Variants in WNT3A observed in about 807,000 individuals in gnomAD.
The protein encoded by WNT3A is Wnt family member 3A, also known as protein Wnt-3a.
Under a neutral mutation model 37.0 loss-of-function variants are expected in WNT3A, and 17 were observed. The observed-to-expected ratio is 0.46, with a 90% CI of 0.31 to 0.69. WNT3A has a LOEUF of 0.69. WNT3A is among the 30% of genes least tolerant of loss of function. The pLI, the probability that WNT3A is intolerant of heterozygous loss-of-function variation, is 0.05. For missense variants in WNT3A, 411 were observed against 510.2 expected (o/e 0.81, Z 1.87); for synonymous variants, 187 against 211.0 (o/e 0.89, Z 0.99).
Position 228,037,432 on chromosome 1 carries a change from C to T in WNT3A, c.314-13224C>T, listed in dbSNP as rs917313100. On this transcript the variant is annotated intron_variant, in intron 2 of 3. Coordinates refer to ENST00000284523, the MANE Select transcript of WNT3A (RefSeq NM_033131.4). This position sits in a 1 kb window ranked among gnomAD's most constrained non-coding sequence, Gnocchi z 4.1. ...TCCCCCTTCATCTCTCCAACGTCTT[C>T]CCCAGGCAGGAGACAGCCCAGCCTC... Among the ~76,000 whole-genome samples, 4 of 152,108 alleles carry T rather than the reference C, an allele frequency of 2.6e-5. No individual in the cohort carries two copies. The South Asian group carries it at 8.3e-4, about 32-fold the overall frequency.
Position 228,037,218 on chromosome 1 carries a change from C to G in WNT3A, c.314-13438C>G, listed in dbSNP as rs1379785956. Reference sequence around the variant, plus strand: ...CCTCCCACTCAGCCTTCACACACCACCCCCTCTTCAAGCATTTCCAGTCCC... The same window carrying G: ...CCTCCCACTCAGCCTTCACACACCAGCCCCTCTTCAAGCATTTCCAGTCCC... On this transcript the variant is annotated intron_variant, in intron 2 of 3. Transcript: ENST00000284523. The surrounding 1 kb of genome is among the most constrained non-coding windows in gnomAD (Gnocchi z 4.1). 6.6e-6 allele frequency among the ~76,000 whole-genome samples: 1 copy of G among 151,924 alleles called. No homozygotes were observed. Among genetic ancestry groups the G allele is most frequent in the Admixed American group, 6.6e-5 (1 of 15,262 alleles).
At chr1:228,021,416 G>A (rs942652809) in intron 1 of WNT3A, among the ~76,000 whole-genome samples, 8 of 152,200 alleles carry the variant, frequency 5.3e-5, no homozygotes, top group Admixed American at 2.6e-4. Flanking sequence ...CCTCTCCCGC[G>A]GATGAGTGTT....
In WNT3A at chr1:228,021,912, C is replaced by T. The variant is rs536425306; in HGVS notation, c.72-755C>T. ...GGGCTCCAGGTCAACCTGGTGTGAA[C>T]GGGGCCCATGCAGTTGTGCTGAGCA... On this transcript the variant is annotated intron_variant, in intron 1 of 3. Coordinates refer to ENST00000284523, the MANE Select transcript of WNT3A (RefSeq NM_033131.4). 5.9e-5 allele frequency among the ~76,000 whole-genome samples: 9 copies of T among 152,298 alleles called. No homozygotes were observed. In the South Asian group the frequency reaches 1.5e-3, roughly 25 times the overall value.
intron 2 of WNT3A, among the ~76,000 whole-genome samples, chr1:228,026,900 C>T (rs2030865919): frequency 6.6e-6 from 1 of 152,160 alleles, no homozygotes; most frequent in African/African-American, 2.4e-5. Flanking sequence ...TGGAGTGCAG[C>T]GGTGCGATCT....
chr1:228,055,068 A>C, intron 3 of WNT3A, among the ~76,000 whole-genome samples: 1 of 142,180 alleles, frequency 7.0e-6, no homozygotes, highest in Non-Finnish European at 1.5e-5. Flanking sequence ...CAGGAGGCGG[A>C]GGTTGTGGTG....
At chr1:228,023,971 T>C (rs1443445122) in intron 2 of WNT3A, among the ~76,000 whole-genome samples, 1 of 152,150 alleles carries the variant, frequency 6.6e-6, no homozygotes, top group East Asian at 1.9e-4. Context: ...GCACTGTGGA[T>C]AGTTTCAGCA....
intron 1 of WNT3A, among the ~76,000 whole-genome samples, chr1:228,021,379 C>T (rs758985562): frequency 7.2e-5 from 11 of 152,190 alleles, no homozygotes; most frequent in Non-Finnish European, 1.3e-4. Context: ...ACCTGGAAAA[C>T]GAGGAGTGAG....
Position 228,050,552 on chromosome 1 carries a change from A to ACCG in WNT3A, c.314-103_314-102insCGC. 1.4e-5 allele frequency: 20 copies of ACCG among 1,409,156 alleles called. No individual in the cohort carries two copies. Among genetic ancestry groups the ACCG allele is most frequent in the Non-Finnish European group, 1.9e-5 (20 of 1,062,462 alleles). The allele number at this position is 1,409,156 out of a possible 1,614,324, so 87.3% of individuals were successfully genotyped here. A position where few individuals can be genotyped will look rare whatever the true frequency, so the allele number is the denominator to read the frequency against. On this transcript the variant is annotated intron_variant, in intron 2 of 3. Transcript: ENST00000284523. The surrounding 1 kb of genome is among the most constrained non-coding windows in gnomAD (Gnocchi z 5.0). Reference sequence around the variant, plus strand: ...TTTGCCTTATACACCACCCAACCTCACGAGTTCCTTTATAACAATGCAAAT... The same window carrying ACCG: ...TTTGCCTTATACACCACCCAACCTCACCGCGAGTTCCTTTATAACAATGCAAAT...
rs1054989105 is a variant in WNT3A at position 228,007,274 on chromosome 1, C to A, written c.71+75C>A. On this transcript the variant is annotated intron_variant, in intron 1 of 3. Coordinates refer to ENST00000284523, the MANE Select transcript of WNT3A (RefSeq NM_033131.4). This position sits in a 1 kb window ranked among gnomAD's most constrained non-coding sequence, Gnocchi z 6.0. Reference sequence around the variant, plus strand: ...AGCAGACGGTCCCCTCGGGCAGGGACCCCGCGGTGGCCCGAGCCCGCGCCC... The same window carrying A: ...AGCAGACGGTCCCCTCGGGCAGGGAACCCGCGGTGGCCCGAGCCCGCGCCC... 65 of 1,475,844 alleles carry A rather than the reference C, an allele frequency of 4.4e-5. No individual in the cohort carries two copies. Among genetic ancestry groups the A allele is most frequent in the Non-Finnish European group, 5.7e-5 (62 of 1,088,094 alleles). 91.4% of individuals were successfully genotyped at this position (1,475,844 alleles called of 1,614,324 possible). A position where few individuals can be genotyped will look rare whatever the true frequency, so the allele number is the denominator to read the frequency against.
At chr1:228,044,166 T>G (rs2031349484) in intron 2 of WNT3A, among the ~76,000 whole-genome samples, 3 of 152,084 alleles carry the variant, frequency 2.0e-5, no homozygotes, top group Admixed American at 2.0e-4. Flanking sequence ...TTGTTTGTTT[T>G]TTAAGAAAGG....
chr1:228,025,684 C>T (rs972916447), intron 2 of WNT3A, among the ~76,000 whole-genome samples: 1 of 152,142 alleles, frequency 6.6e-6, no homozygotes, highest in African/African-American at 2.4e-5. Context: ...TTGTAGTTTT[C>T]AGGGTATGAG....
chr1:228,047,272 G>A (rs1014768242), intron 2 of WNT3A, among the ~76,000 whole-genome samples: 6 of 152,204 alleles, frequency 3.9e-5, no homozygotes, highest in Non-Finnish European at 8.8e-5. Context: ...CCATCAGGGG[G>A]CTGTTGGCCA....
rs1307625681 is a variant in WNT3A at position 228,008,296 on chromosome 1, G to C, written c.71+1097G>C. ...ACACTCCCCCCCATCCTTCTCCGAC[G>C]GCAGCCTGGAATTATAATAATTACG... On this transcript the variant is annotated intron_variant, in intron 1 of 3. Transcript: ENST00000284523. The surrounding 1 kb of genome is among the most constrained non-coding windows in gnomAD (Gnocchi z 4.9). Among the ~76,000 whole-genome samples the C allele has an allele frequency of 6.6e-6, 1 of 152,188 alleles. No individual in the cohort carries two copies. The highest frequency in any genetic ancestry group is 6.5e-5 in the Admixed American group (1 of 15,276).
At chr1:228,041,710 A>G (rs2031290060) in intron 2 of WNT3A, among the ~76,000 whole-genome samples, 1 of 152,032 alleles carries the variant, frequency 6.6e-6, no homozygotes, top group Admixed American at 6.6e-5. Context: ...TGTCCTCTCT[A>G]CTGCCTCCCT....
chr1:228,039,477 C>T lies in WNT3A; in HGVS notation c.314-11179C>T, dbSNP rs2031222738. On this transcript the variant is annotated intron_variant, in intron 2 of 3. Coordinates refer to ENST00000284523, the MANE Select transcript of WNT3A (RefSeq NM_033131.4). The surrounding 1 kb of genome is among the most constrained non-coding windows in gnomAD (Gnocchi z 4.1). ...CATATCAGAGACACCCTCCCAACCC[C>T]CTTCTCCTGGCAGGCTCCTGTTCAG... 6.6e-6 allele frequency among the ~76,000 whole-genome samples: 1 copy of T among 152,200 alleles called. No individual in the cohort carries two copies. Among genetic ancestry groups the T allele is most frequent in the Admixed American group, 6.5e-5 (1 of 15,286 alleles).
chr1:228,045,542 C>G (rs1307152186), intron 2 of WNT3A, among the ~76,000 whole-genome samples: 1 of 152,206 alleles, frequency 6.6e-6, no homozygotes, highest in Non-Finnish European at 1.5e-5. Context: ...AAGACAAGAA[C>G]AGGCGCTCAG....
At chr1:228,041,013 A>ATATCTATCTATCTATC (rs6143658) in intron 2 of WNT3A, among the ~76,000 whole-genome samples, 105 of 140,832 alleles carry the variant, frequency 7.5e-4, no homozygotes, top group African/African-American at 1.4e-3. Context: ...CTACATATCT[A>ATATCTATCTATCTATC]TATCTATCTA....
At chr1:228,041,159 C>A (rs1013357093) in intron 2 of WNT3A, among the ~76,000 whole-genome samples, 10 of 151,898 alleles carry the variant, frequency 6.6e-5, no homozygotes, top group Non-Finnish European at 1.3e-4. Context: ...CCCATTAAAT[C>A]CAAACCTAGA....
intron 2 of WNT3A, among the ~76,000 whole-genome samples, chr1:228,046,754 T>TTG (rs1271677496): frequency 6.7e-6 from 1 of 148,280 alleles, no homozygotes. Flanking sequence ...GCATGTGTGC[T>TTG]TGTGTGTGGT....
Sources: allele counts gnomAD v4.1 joint callset (sites outside exome capture counted in the v4.1 genomes callset), GRCh38; gene constraint gnomAD v4.1.1; non-coding constraint Gnocchi (gnomAD v3.1); transcripts MANE v1.5; gene names NCBI Gene and HGNC (gene_info 2026-07-23, HGNC 2026-07-21).